The following SLC7A2 variants were observed in gnomAD, a reference collection of about 807,000 sequenced individuals.
SLC7A2 encodes the protein solute carrier family 7 member 2.
In SLC7A2, 48 loss-of-function variants were observed where a neutral mutation model predicts 58.9. The observed-to-expected ratio is 0.82, with a 90% confidence interval of 0.65 to 1.04. The LOEUF (loss-of-function observed/expected upper bound fraction) is 1.04. Among genes scored for constraint, SLC7A2 ranks in the 50% least tolerant of loss-of-function variants. The pLI, the probability that SLC7A2 is intolerant of heterozygous loss-of-function variation, is 0.00. For missense variants in SLC7A2, 1,029 were observed against 818.8 expected (o/e 1.26, Z -3.13); for synonymous variants, 363 against 314.5 (o/e 1.15, Z -1.63).
intron 4 of SLC7A2, among the ~76,000 whole-genome samples, chr8:17,547,867 T>A (rs1419827008): frequency 1.3e-5 from 2 of 151,716 alleles, no homozygotes; most frequent in Non-Finnish European, 2.9e-5. Context: ...CTTTTTATAT[T>A]TTTTTCTGTG....
In SLC7A2 at chr8:17,562,572, C is replaced by T. The variant is rs186886690; in HGVS notation, c.1671+462C>T. Among the ~76,000 whole-genome samples, 287 of 152,218 alleles carry T rather than the reference C, an allele frequency of 1.9e-3. 1 individual carries two copies. The highest frequency in any genetic ancestry group is 2.5e-3 in the Non-Finnish European group (172 of 68,018). Reference sequence around the variant, plus strand: ...CAGGCCAGTCTCAAACTCCTGACCTCAGGTGATCCACCTGCCTCAACAACT... The same window carrying T: ...CAGGCCAGTCTCAAACTCCTGACCTTAGGTGATCCACCTGCCTCAACAACT... On this transcript the variant is annotated intron_variant, in intron 11 of 12. Coordinates refer to ENST00000494857, the MANE Select transcript of SLC7A2 (RefSeq NM_001370338.1).
At chr8:17,502,339 A>T (rs1800193149) in intron 2 of SLC7A2, 37 bp downstream of exon 2, 1 of 152,094 alleles carries the variant, frequency 6.6e-6, no homozygotes, top group Admixed American at 6.6e-5. Context: ...GCACGTTGGA[A>T]TGGAAAAAGG....
At chr8:17,509,020 C>T (rs1027350471) in intron 2 of SLC7A2, among the ~76,000 whole-genome samples, 6 of 152,046 alleles carry the variant, frequency 3.9e-5, no homozygotes, top group African/African-American at 1.2e-4. Flanking sequence ...TGGTGTAAGG[C>T]AGGCGAATGA....
intron 2 of SLC7A2, among the ~76,000 whole-genome samples, chr8:17,541,983 C>G (rs777112049): frequency 6.7e-6 from 1 of 149,680 alleles, no homozygotes; most frequent in Non-Finnish European, 1.5e-5. Flanking sequence ...TTATTCATTC[C>G]ATTTTTAAAA....
At chr8:17,538,854 A>C in intron 2 of SLC7A2, 1 of 1,613,348 alleles carries the variant, frequency 6.2e-7, no homozygotes, top group South Asian at 1.1e-5. Context: ...GTTATAACTC[A>C]GACAAACTAA....
At chr8:17,552,349 G>T (rs1802495302) in intron 7 of SLC7A2, among the ~76,000 whole-genome samples, 2 of 152,168 alleles carry the variant, frequency 1.3e-5, no homozygotes, top group Non-Finnish European at 2.9e-5. Flanking sequence ...TATTGGCGTT[G>T]GTGATACTTG....
Position 17,561,924 on chromosome 8 carries a change from A to G in SLC7A2, c.1505-20A>G, listed in dbSNP as rs901438350. ...TGGAGCACAGTGTGCTGACTCTGTT[A>G]TCTACACATCCCCCTGCAGCTTTCC... On this transcript the variant is annotated intron_variant, in intron 10 of 12. Coordinates refer to ENST00000494857, the MANE Select transcript of SLC7A2 (RefSeq NM_001370338.1). 4 of 1,613,048 alleles carry G rather than the reference A, an allele frequency of 2.5e-6. No individual in the cohort carries two copies. Among genetic ancestry groups the G allele is most frequent in the East Asian group, 4.5e-5 (2 of 44,870 alleles).
chr8:17,517,181 A>G lies in SLC7A2; in HGVS notation c.-23+14879A>G, dbSNP rs1371272697. On this transcript the variant is annotated intron_variant, in intron 2 of 12. Transcript: ENST00000494857. Reference sequence around the variant, plus strand: ...AAATAATGTTGACTTTAACTGACTTATACTCATTTATTTCTAGGCACAAAA... The same window carrying G: ...AAATAATGTTGACTTTAACTGACTTGTACTCATTTATTTCTAGGCACAAAA... Among the ~76,000 whole-genome samples the G allele has an allele frequency of 4.6e-5, 7 of 152,354 alleles. No homozygotes were observed. In the East Asian group the frequency reaches 1.3e-3, roughly 29 times the overall value.
intron 9 of SLC7A2, among the ~76,000 whole-genome samples, chr8:17,559,284 G>A (rs1047836015): frequency 1.3e-5 from 2 of 152,188 alleles, no homozygotes; most frequent in Non-Finnish European, 2.9e-5. Context: ...AAGGAAAGAA[G>A]TTTAATTGAC....
intron 2 of SLC7A2, among the ~76,000 whole-genome samples, chr8:17,529,811 A>C (rs936371943): frequency 9.2e-5 from 14 of 152,134 alleles, no homozygotes; most frequent in African/African-American, 3.4e-4. Flanking sequence ...TGCTGGGATT[A>C]CAGGTGTGAG....
intron 4 of SLC7A2, among the ~76,000 whole-genome samples, chr8:17,548,327 C>A (rs547858958): frequency 2.0e-5 from 3 of 152,208 alleles, no homozygotes; most frequent in East Asian, 1.9e-4. Flanking sequence ...GGAAACAGAG[C>A]GAGACTCTGT....
intron 2 of SLC7A2, among the ~76,000 whole-genome samples, chr8:17,536,956 G>A (rs992254171): frequency 1.3e-5 from 2 of 152,216 alleles, no homozygotes; most frequent in African/African-American, 4.8e-5. Flanking sequence ...GGCCTGGGGG[G>A]ACAGAAAAGC....
intron 2 of SLC7A2, among the ~76,000 whole-genome samples, chr8:17,506,665 A>G (rs192195348): frequency 2.6e-5 from 4 of 152,370 alleles, no homozygotes; most frequent in African/African-American, 9.6e-5. Flanking sequence ...CTAGGGATAC[A>G]GTGAAGACTG....
chr8:17,541,925 A>G (rs552298480), intron 2 of SLC7A2, among the ~76,000 whole-genome samples: 56 of 152,112 alleles, frequency 3.7e-4, no homozygotes, highest in African/African-American at 1.3e-3. Context: ...TTTCAGTGTT[A>G]GATTGTTTAG....
Position 17,567,340 on chromosome 8 carries a change from A to T in SLC7A2, c.*2194A>T, listed in dbSNP as rs1803311198. 1 of 152,544 alleles carries T rather than the reference A, an allele frequency of 6.6e-6. No homozygotes were observed. Among genetic ancestry groups the T allele is most frequent in the Non-Finnish European group, 1.5e-5 (1 of 68,044 alleles). The allele number at this position is 152,544 out of a possible 1,614,324, so 9.4% of individuals were successfully genotyped here. A position where few individuals can be genotyped will look rare whatever the true frequency, so the allele number is the denominator to read the frequency against. On this transcript the variant is annotated 3_prime_UTR_variant, in exon 13 of 13. Coordinates refer to ENST00000494857, the MANE Select transcript of SLC7A2 (RefSeq NM_001370338.1). ...TCAAATCTTTTACTGTAACGAAACC[A>T]AGAAACTTGTTTAGAATGTGATAGG...
At chr8:17,542,459 T>C (rs1801953165) in intron 2 of SLC7A2, among the ~76,000 whole-genome samples, 1 of 152,264 alleles carries the variant, frequency 6.6e-6, no homozygotes, top group East Asian at 1.9e-4. Context: ...AAGACCAGCA[T>C]GGGCAACATA....
At chr8:17,520,265 A>G (rs1800961167) in intron 2 of SLC7A2, among the ~76,000 whole-genome samples, 1 of 152,296 alleles carries the variant, frequency 6.6e-6, no homozygotes, top group African/African-American at 2.4e-5. Flanking sequence ...TATCTGAAGC[A>G]TAGGGGTTCA....
upstream of SLC7A2, among the ~76,000 whole-genome samples, chr8:17,495,218 G>C (rs966337369): frequency 2.0e-5 from 3 of 152,054 alleles, no homozygotes; most frequent in African/African-American, 7.2e-5. Context: ...CAGGGCAACC[G>C]CCCTGAGCCA....
chr8:17,558,046 T>C (rs1331736826), intron 8 of SLC7A2, among the ~76,000 whole-genome samples: 2 of 152,176 alleles, frequency 1.3e-5, no homozygotes, highest in Non-Finnish European at 1.5e-5. Context: ...AAATATTTTT[T>C]ATGTAATCCA....
Sources: gnomAD v4.1 joint callset for allele counts (sites outside exome capture counted in the v4.1 genomes callset) on GRCh38, gnomAD v4.1.1 for gene constraint, MANE v1.5 for transcripts, NCBI Gene and HGNC (gene_info 2026-07-23, HGNC 2026-07-21) for gene names.